ASPM: variants seen among roughly 807,000 people sequenced by gnomAD.
The protein encoded by ASPM is assembly factor for spindle microtubules.
In ASPM, 256 loss-of-function variants were observed where a neutral mutation model predicts 366.4. That is an observed-to-expected ratio of 0.70 (90% CI 0.63 to 0.77). The LOEUF is 0.77. ASPM is among the 30% of genes least tolerant of loss of function. The pLI is 0.00. For missense variants in ASPM, 4,146 were observed against 4,090.4 expected (o/e 1.01, Z -0.37); for synonymous variants, 1,414 against 1,342.9 (o/e 1.05, Z -1.16).
At position 197,130,334 on chromosome 1, in the gene ASPM, A is replaced by T. The variant is rs191383247; in HGVS notation, c.2488-278T>A. On this transcript the variant is annotated intron_variant, in intron 7 of 27. Coordinates refer to ENST00000367409, the MANE Select transcript of ASPM (RefSeq NM_018136.5). ...ATTCCCATTTTAATTTTTTCATTTA[A>T]GTTAAAGAACTATCAAATATAGGCA... Among the ~76,000 whole-genome samples, 269 of 152,306 alleles carry T rather than the reference A, an allele frequency of 1.8e-3. 1 individual carries two copies. The highest frequency in any genetic ancestry group is 6.2e-3 in the African/African-American group (259 of 41,572).
intron 13 of ASPM, among the ~76,000 whole-genome samples, chr1:197,123,258 T>C (rs942235560): frequency 2.6e-5 from 4 of 152,034 alleles, no homozygotes; most frequent in Admixed American, 2.6e-4. Flanking sequence ...AAAAGTACAA[T>C]GCTAAATAGG....
chr1:197,100,605 A>G lies in ASPM; in HGVS notation c.8646T>C (p.Tyr2882=). The change falls in exon 18 of 28, where the codon TAT becomes TAC. Residue 2882 remains tyrosine (Y), a synonymous_variant. Transcript: ENST00000367409. ...TWQTRKQFLL[Y]RKAAVVLQNH... ...TTTGTAAAACCACTGCTGCTTTTCT[A>G]TATAGTAAAAACTGTTTTCTGGTTT... The G allele has an allele frequency of 1.2e-6, 2 of 1,611,986 alleles. No individual in the cohort carries two copies. The highest frequency in any genetic ancestry group is 1.7e-6 in the Non-Finnish European group (2 of 1,178,800).
intron 3 of ASPM, among the ~76,000 whole-genome samples, chr1:197,141,097 A>C (rs1167342496): frequency 6.6e-6 from 1 of 152,172 alleles, no homozygotes; most frequent in African/African-American, 2.4e-5. Flanking sequence ...AGGGGTCAGC[A>C]AACTACATCC....
At chr1:197,142,085 A>G (rs547254012) in intron 3 of ASPM, among the ~76,000 whole-genome samples, 1 of 152,322 alleles carries the variant, frequency 6.6e-6, no homozygotes, top group East Asian at 1.9e-4. Flanking sequence ...AGATTAAAAT[A>G]GGTATGTTCC....
Position 197,104,335 on chromosome 1 carries a change from A to T in ASPM, c.4916T>A (p.Leu1639Gln). 1.2e-6 allele frequency: 2 copies of T among 1,613,136 alleles called. No homozygotes were observed. The highest frequency in any genetic ancestry group is 1.7e-6 in the Non-Finnish European group (2 of 1,179,444). The change falls in exon 18 of 28, where the codon CTG (leucine) becomes CAG (glutamine). Residue 1639 changes from leucine to glutamine, a missense_variant. This residue lies in a region of ASPM where 3,624 missense variants were observed against 3,591.7 expected (regional missense o/e 1.01). Coordinates refer to ENST00000367409, the MANE Select transcript of ASPM (RefSeq NM_018136.5). ...TTGCATCCCTCTATATGCAGACTGC[A>T]GCACAATGACAGCAGAGCGTGTTTT... is the stretch of plus-strand genomic sequence containing the variant. Reference protein sequence around the residue: ...YQKTRSAVIVLQSAYRGMQAR... With the variant: ...YQKTRSAVIVQQSAYRGMQAR...
chr1:197,132,509 A>T (rs1379636313), intron 6 of ASPM, among the ~76,000 whole-genome samples, 157 bp from the exon 7 acceptor site: 1 of 152,094 alleles, frequency 6.6e-6, no homozygotes, highest in African/African-American at 2.4e-5. Context: ...AATATACATG[A>T]TCATATTCAA....
At chr1:197,117,550 A>G (rs1264290293) in intron 17 of ASPM, among the ~76,000 whole-genome samples, 1 of 152,132 alleles carries the variant, frequency 6.6e-6, no homozygotes, top group African/African-American at 2.4e-5. Context: ...GCAACAAAGA[A>G]GAGAGCAACA....
chr1:197,128,675 A>G lies in ASPM; in HGVS notation c.2761-10T>C, dbSNP rs776059528. ...GGATTTCTTTACTAGCCTATAAAGA[A>G]ATAAGTTCCAGATATTATATTCCAA... On this transcript the variant is annotated splice_polypyrimidine_tract_variant and intron_variant, in intron 9 of 27. Transcript: ENST00000367409. 20 of 1,593,800 alleles carry G rather than the reference A, an allele frequency of 1.3e-5. No homozygotes were observed. The highest frequency in any genetic ancestry group is 1.7e-5 in the Non-Finnish European group (20 of 1,164,318).
In ASPM at chr1:197,132,419, C is replaced by A. The variant is rs529777305; in HGVS notation, c.2420-67G>T. The A allele has an allele frequency of 1.2e-5, 17 of 1,377,196 alleles. No individual in the cohort carries two copies. In the African/African-American group the frequency reaches 1.6e-4, roughly 13 times the overall value. 85.3% of individuals were successfully genotyped at this position (1,377,196 alleles called of 1,614,324 possible). ...CAAATAGAGACAAGAAATAAAACTT[C>A]AAGGAGAGTATATCAGTGGGAAAAA... is the stretch of plus-strand genomic sequence containing the variant. On this transcript the variant is annotated intron_variant, in intron 6 of 27. Coordinates refer to ENST00000367409, the MANE Select transcript of ASPM (RefSeq NM_018136.5).
intron 25 of ASPM, among the ~76,000 whole-genome samples, chr1:197,089,008 TAACAA>T (rs4044518): frequency 5.2e-5 from 4 of 76,918 alleles, no homozygotes; most frequent in Non-Finnish European, 1.4e-4. Context: ...AAGATAAAAA[TAACAA>T]AACAACATAG....
At chr1:197,094,244 C>CCT in intron 19 of ASPM, 64 bp from the exon 20 acceptor site, 2 of 930,990 alleles carry the variant, frequency 2.1e-6, no homozygotes, top group Non-Finnish European at 3.4e-6. Context: ...GTATTTATTG[C>CCT]CTCCCCCCCT....
At chr1:197,106,582 C>T (rs1376156234) in intron 17 of ASPM, among the ~76,000 whole-genome samples, 1 of 151,966 alleles carries the variant, frequency 6.6e-6, no homozygotes, top group African/African-American at 2.4e-5. Context: ...TATTACTACT[C>T]CATTACTGAA....
chr1:197,144,168 C>G, intron 1 of ASPM, 68 bp from the exon 2 acceptor site: 1 of 1,120,264 alleles, frequency 8.9e-7, no homozygotes. Context: ...ACCTTATATA[C>G]AACTTACAAT....
Position 197,101,976 on chromosome 1 carries a change from T to C in ASPM, c.7275A>G (p.Arg2425=). Residue 2425 remains arginine, a synonymous_variant, in exon 18 of 28, where the codon AGA becomes AGG. Coordinates refer to ENST00000367409, the MANE Select transcript of ASPM (RefSeq NM_018136.5). ...QSRFRSLLVR[R]RFISLKKATI... ...TAGCTTTTTTGAGGGAAATGAATCT[T>C]CTCCTCACCAGTAATGATCTAAACC... 6.2e-7 allele frequency: 1 copy of C among 1,612,832 alleles called. No homozygotes were observed. Among genetic ancestry groups the C allele is most frequent in the African/African-American group, 1.3e-5 (1 of 74,906 alleles).
rs556172546 is a variant in ASPM at position 197,136,769 on chromosome 1, A to C, written c.2027-1527T>G. On this transcript the variant is annotated intron_variant, in intron 4 of 27. Coordinates refer to ENST00000367409, the MANE Select transcript of ASPM (RefSeq NM_018136.5). ...CTGACTTATTAAAACTCTCCATGCT[A>C]CATAAATCTGGAAACTCTATTTCAC... Among the ~76,000 whole-genome samples, 301 of 152,288 alleles carry C rather than the reference A, an allele frequency of 2.0e-3. 3 individuals are homozygous for C. The highest frequency in any genetic ancestry group is 0.013 in the South Asian group (62 of 4,826).
At chr1:197,131,222 G>C (rs542267332) in intron 7 of ASPM, among the ~76,000 whole-genome samples, 1 of 151,912 alleles carries the variant, frequency 6.6e-6, no homozygotes, top group Admixed American at 6.6e-5. Flanking sequence ...GATCCTGTTC[G>C]GTCCCAAAGA....
chr1:197,111,839 C>T (rs1657595849), intron 17 of ASPM, among the ~76,000 whole-genome samples: 1 of 151,970 alleles, frequency 6.6e-6, no homozygotes. Context: ...ATCATAATGG[C>T]TATTACTAAA....
intron 19 of ASPM, among the ~76,000 whole-genome samples, chr1:197,094,847 T>C (rs745943814): frequency 6.6e-6 from 1 of 151,676 alleles, no homozygotes; most frequent in Admixed American, 6.6e-5. Context: ...TCTTAGAAAA[T>C]AGGACCAAAC....
Position 197,102,199 on chromosome 1 carries a change from T to C in ASPM, c.7052A>G (p.His2351Arg), listed in dbSNP as rs1482554710. Reference protein sequence around the residue: ...IQSTFRMHRLHMRYQALKQAS... With the variant: ...IQSTFRMHRLRMRYQALKQAS... The stretch of plus-strand genomic sequence containing the variant: ...CTGTTTCAAAGCCTGATATCTCATA[T>C]GTAATCTGTGCATTCTGAAAGTAGA... Residue 2351 changes from histidine (H) to arginine (R), a missense_variant, in exon 18 of 28, where the codon CAT becomes CGT. Physicochemically the swap from His to Arg is conservative, Grantham distance 29. Transcript: ENST00000367409. 18 of 1,612,820 alleles carry C rather than the reference T, an allele frequency of 1.1e-5. No individual in the cohort carries two copies. The highest frequency in any genetic ancestry group is 3.3e-5 in the South Asian group (3 of 91,062).
Sources: allele counts gnomAD v4.1 joint callset (sites outside exome capture counted in the v4.1 genomes callset), GRCh38; gene constraint gnomAD v4.1.1; regional missense constraint gnomAD v4.1.1; transcripts MANE v1.5; gene names NCBI Gene and HGNC (gene_info 2026-07-23, HGNC 2026-07-21).